C1GALT1: variants seen among roughly 807,000 people sequenced by gnomAD.
C1GALT1 encodes the protein glycoprotein-N-acetylgalactosamine 3-beta-galactosyltransferase 1.
A neutral mutation model predicts 31.0 loss-of-function variants in C1GALT1; 11 were observed. The observed-to-expected ratio is 0.36, with a 90% CI of 0.22 to 0.59. The LOEUF is 0.59. C1GALT1 is among the 20% of genes least tolerant of loss of function. The probability of loss-of-function intolerance (pLI) is 0.79; values close to 1 mark genes in which losing one functional copy is unlikely to be tolerated. For synonymous variants in C1GALT1, 175 were observed against 143.6 expected, an observed-to-expected ratio of 1.22 and a Z score of -1.56; for missense variants, 424 against 425.2, an observed-to-expected ratio of 1.00 and a Z score of 0.03.
At chr7:7,241,974 G>T (rs1450713517) in intron 3 of C1GALT1, among the ~76,000 whole-genome samples, 1 of 151,828 alleles carries the variant, frequency 6.6e-6, no homozygotes, top group East Asian at 1.9e-4. Context: ...GCTTCCAGAG[G>T]TCAGCAATTT....
At chr7:7,214,305 T>A (rs996277877) in intron 1 of C1GALT1, among the ~76,000 whole-genome samples, 3 of 152,142 alleles carry the variant, frequency 2.0e-5, no homozygotes, top group African/African-American at 7.2e-5. Context: ...CCCAAGGAGT[T>A]CCATGCTACC....
chr7:7,216,557 A>C (rs930185264), intron 1 of C1GALT1, among the ~76,000 whole-genome samples: 1 of 152,148 alleles, frequency 6.6e-6, no homozygotes, highest in Non-Finnish European at 1.5e-5. Context: ...CCTTTAACGG[A>C]GGCAATGTGC....
At chr7:7,237,173 T>C (rs1475031448) in intron 2 of C1GALT1, among the ~76,000 whole-genome samples, 1 of 152,254 alleles carries the variant, frequency 6.6e-6, no homozygotes, top group Admixed American at 6.5e-5. Flanking sequence ...TTCATTTTTA[T>C]CCTATTTACA....
chr7:7,157,954 G>A (rs1028554712), intron 2 of C1GALT1, among the ~76,000 whole-genome samples: 1 of 152,104 alleles, frequency 6.6e-6, no homozygotes, highest in African/African-American at 2.4e-5. Flanking sequence ...AGGAACCTCA[G>A]TCAGAATGCC....
chr7:7,241,623 T>C (rs752019040), intron 3 of C1GALT1, among the ~76,000 whole-genome samples: 1 of 152,036 alleles, frequency 6.6e-6, no homozygotes, highest in Non-Finnish European at 1.5e-5. Context: ...GCAATATTTT[T>C]GTTACTGTTC....
upstream of C1GALT1, among the ~76,000 whole-genome samples, chr7:7,179,859 CAAA>C (rs34406199): frequency 5.2e-5 from 5 of 95,984 alleles, no homozygotes; most frequent in Non-Finnish European, 4.6e-5. Context: ...GTTTCAGGTT[CAAA>C]AAAAAAAAAA....
chr7:7,167,322 A>G (rs959812345), intron 2 of C1GALT1, among the ~76,000 whole-genome samples: 2 of 152,206 alleles, frequency 1.3e-5, no homozygotes, highest in African/African-American at 4.8e-5. Flanking sequence ...AACAGCATTC[A>G]TTGAGATTAA....
intron 1 of C1GALT1, among the ~76,000 whole-genome samples, chr7:7,198,015 A>C (rs1781373410): frequency 6.6e-6 from 1 of 152,150 alleles, no homozygotes; most frequent in Non-Finnish European, 1.5e-5. Context: ...TTCCTAATTG[A>C]ATACTCTTTG....
chr7:7,157,811 G>A (rs576550399), intron 2 of C1GALT1, among the ~76,000 whole-genome samples: 1 of 152,154 alleles, frequency 6.6e-6, no homozygotes, highest in African/African-American at 2.4e-5. Context: ...GTATGTACAT[G>A]TACATTCTGA....
rs1783497958 is a variant in C1GALT1, at chr7:7,238,986, A to G, written c.888+64A>G. 1 of 1,281,022 alleles carries G rather than the reference A, an allele frequency of 7.8e-7. No individual in the cohort carries two copies. Among genetic ancestry groups the G allele is most frequent in the South Asian group, 1.4e-5 (1 of 70,834 alleles). 79.4% of individuals were successfully genotyped at this position (1,281,022 alleles called of 1,614,324 possible). A position where few individuals can be genotyped will look rare whatever the true frequency, so the allele number is the denominator to read the frequency against. ...CTGACTGAATTTTGTTGATAAAAAC[A>G]TGTTAATATGTGTATGTTTCTTTAG... On this transcript the variant is annotated intron_variant, in intron 3 of 3. Transcript: ENST00000436587. This position sits in a 1 kb window ranked among gnomAD's most constrained non-coding sequence, Gnocchi z 5.2.
At chr7:7,163,582 A>C (rs938249230) in intron 2 of C1GALT1, among the ~76,000 whole-genome samples, 4 of 152,282 alleles carry the variant, frequency 2.6e-5, no homozygotes, top group East Asian at 3.9e-4. Context: ...GTCTCAGCCC[A>C]AAATCTCCTT....
intron 1 of C1GALT1, among the ~76,000 whole-genome samples, chr7:7,218,478 A>C (rs978007802): frequency 6.6e-5 from 10 of 152,148 alleles, no homozygotes; most frequent in African/African-American, 2.4e-4. Flanking sequence ...ATGGAAGGAG[A>C]AAAGTGTCAT....
intron 2 of C1GALT1, among the ~76,000 whole-genome samples, chr7:7,177,442 T>A (rs1780516253): frequency 6.6e-6 from 1 of 152,122 alleles, no homozygotes; most frequent in Admixed American, 6.6e-5. Context: ...AAATAACCGG[T>A]TATATATATG....
chr7:7,233,176 C>T (rs921502623), intron 1 of C1GALT1, among the ~76,000 whole-genome samples: 13 of 152,168 alleles, frequency 8.5e-5, no homozygotes, highest in Admixed American at 5.9e-4. Context: ...CAACAGGCAT[C>T]TGTGTCCCAG....
intron 1 of C1GALT1, among the ~76,000 whole-genome samples, chr7:7,221,487 T>C (rs1782510326): frequency 1.3e-5 from 2 of 152,236 alleles, no homozygotes; most frequent in Non-Finnish European, 2.9e-5. Context: ...TGTTTGTCTT[T>C]TTCTTTCTTA....
At chr7:7,204,103 T>TG (rs1248761637) in intron 1 of C1GALT1, among the ~76,000 whole-genome samples, 17 of 147,952 alleles carry the variant, frequency 1.1e-4, no homozygotes, top group African/African-American at 7.6e-5. Context: ...TTCTGTTTTT[T>TG]TTTTTTTGTT....
At chr7:7,183,296 C>T (rs1363676230) in intron 1 of C1GALT1, among the ~76,000 whole-genome samples, 1 of 152,102 alleles carries the variant, frequency 6.6e-6, no homozygotes, top group Non-Finnish European at 1.5e-5. Flanking sequence ...TGGGCACCTT[C>T]GCCGGGGAGC....
chr7:7,204,172 G>A (rs538020740), intron 1 of C1GALT1, among the ~76,000 whole-genome samples: 113 of 140,114 alleles, frequency 8.1e-4, no homozygotes, highest in African/African-American at 2.9e-3. Context: ...TTTTTCACAT[G>A]TTGAGCAGAA....
At position 7,245,824 on chromosome 7, in the gene C1GALT1, G is replaced by T. The variant is rs922667646; in HGVS notation, c.*2097G>T. The T allele has an allele frequency of 2.6e-5, 4 of 152,032 alleles. No individual in the cohort carries two copies. The highest frequency in any genetic ancestry group is 9.7e-5 in the African/African-American group (4 of 41,372). 9.4% of individuals were successfully genotyped at this position (152,032 alleles called of 1,614,324 possible). A position where few individuals can be genotyped will look rare whatever the true frequency, so the allele number is the denominator to read the frequency against. ...TGGGCTCTAGAGTCAGACTTGCTTGGGTTTAAATTCTTGCTCTAACACTTA... is the reference window on the plus strand; with the variant it reads ...TGGGCTCTAGAGTCAGACTTGCTTGTGTTTAAATTCTTGCTCTAACACTTA... On this transcript the variant is annotated 3_prime_UTR_variant, in exon 4 of 4. Transcript: ENST00000436587.
Sources: gnomAD v4.1 joint callset for allele counts (sites outside exome capture counted in the v4.1 genomes callset) on GRCh38, gnomAD v4.1.1 for gene constraint, Gnocchi (gnomAD v3.1) non-coding constraint, MANE v1.5 for transcripts, NCBI Gene and HGNC (gene_info 2026-07-23, HGNC 2026-07-21) for gene names.